Variants in LDB2 observed in about 807,000 individuals in gnomAD.
LDB2 encodes LIM domain-binding protein 2.
A neutral mutation model predicts 44.3 loss-of-function variants in LDB2; 12 were observed. The ratio of observed to expected loss-of-function variants is 0.27; its 90% CI spans 0.17 to 0.44. LDB2 has a LOEUF of 0.44. LDB2 is among the 20% of genes least tolerant of loss of function. The probability of loss-of-function intolerance (pLI) is 1.00; values close to 1 mark genes in which losing one functional copy is unlikely to be tolerated. For synonymous variants in LDB2, 164 were observed against 174.8 expected (o/e 0.94, Z 0.49); for missense variants, 344 against 473.5 (o/e 0.73, Z 2.54).
intron 5 of LDB2, among the ~76,000 whole-genome samples, chr4:16,583,253 G>A (rs1044616184): frequency 6.6e-6 from 1 of 152,178 alleles, no homozygotes; most frequent in Admixed American, 6.5e-5. Context: ...GTTAGACACT[G>A]CATATTGAAA....
intron 2 of LDB2, among the ~76,000 whole-genome samples, chr4:16,702,545 T>G (rs1445035532): frequency 6.6e-6 from 1 of 152,212 alleles, no homozygotes; most frequent in African/African-American, 2.4e-5. Flanking sequence ...TGAAAGAAGC[T>G]GCTTCTGTGT....
At chr4:16,658,126 A>G (rs565001713) in intron 2 of LDB2, among the ~76,000 whole-genome samples, 4 of 152,316 alleles carry the variant, frequency 2.6e-5, no homozygotes, top group African/African-American at 7.2e-5. Flanking sequence ...CTGGATTGGA[A>G]ACAGAAAGAC....
chr4:16,629,756 GC>G, intron 2 of LDB2, among the ~76,000 whole-genome samples: 1 of 152,158 alleles, frequency 6.6e-6, no homozygotes, highest in Middle Eastern at 3.4e-3. Context: ...ACCTGGTGGA[GC>G]TGAAAACCAC....
chr4:16,562,162 A>G (rs1238217166), intron 5 of LDB2, among the ~76,000 whole-genome samples: 1 of 152,212 alleles, frequency 6.6e-6, no homozygotes, highest in Non-Finnish European at 1.5e-5. Flanking sequence ...GGCATGGGCA[A>G]GGACTTCATG....
At chr4:16,719,215 C>G (rs909793408) in intron 2 of LDB2, among the ~76,000 whole-genome samples, 2 of 152,014 alleles carry the variant, frequency 1.3e-5, no homozygotes. Context: ...TCTTATGTGA[C>G]CACTTTGTTA....
chr4:16,665,645 A>T (rs1742912530), intron 2 of LDB2, among the ~76,000 whole-genome samples: 2 of 152,202 alleles, frequency 1.3e-5, no homozygotes. Flanking sequence ...CATGAGCAGA[A>T]AAGTTATGGC....
intron 1 of LDB2, among the ~76,000 whole-genome samples, chr4:16,832,630 A>C (rs569657343): frequency 6.6e-6 from 1 of 152,326 alleles, no homozygotes; most frequent in South Asian, 2.1e-4. Flanking sequence ...AAAATTGCAC[A>C]GCCCAAGTCT....
chr4:16,529,651 C>T (rs1321784170), intron 5 of LDB2, among the ~76,000 whole-genome samples: 1 of 152,216 alleles, frequency 6.6e-6, no homozygotes, highest in East Asian at 1.9e-4. Context: ...TCTTCCTTGT[C>T]TTCTTCCTCG....
At chr4:16,786,808 G>T (rs1335392719) in intron 1 of LDB2, among the ~76,000 whole-genome samples, 1 of 152,116 alleles carries the variant, frequency 6.6e-6, no homozygotes, top group Non-Finnish European at 1.5e-5. Context: ...CATATGCCTT[G>T]TCAGAAACCA....
intron 2 of LDB2, among the ~76,000 whole-genome samples, chr4:16,641,259 G>A (rs1439430150): frequency 1.3e-5 from 2 of 152,114 alleles, no homozygotes; most frequent in African/African-American, 4.8e-5. Context: ...ACATAAAGGA[G>A]CTTACCTTTT....
rs181068940 is a variant in LDB2 at position 16,554,029 on chromosome 4, C to T, written c.615+31893G>A. 1.4e-4 allele frequency among the ~76,000 whole-genome samples: 21 copies of T among 151,826 alleles called. No homozygotes were observed. The East Asian group carries it at 2.7e-3, about 20-fold the overall frequency. ...CTCTTCCCCCTGACATCCCATTGGA[C>T]GTATTCATTCAATGGCCTGAATTTT... On this transcript the variant is annotated intron_variant, in intron 5 of 7. Transcript: ENST00000304523.
At chr4:16,690,255 G>A (rs1750302874) in intron 2 of LDB2, among the ~76,000 whole-genome samples, 1 of 151,756 alleles carries the variant, frequency 6.6e-6, no homozygotes, top group South Asian at 2.1e-4. Flanking sequence ...TTTTTCAGGA[G>A]CTTAAGACTA....
chr4:16,845,653 A>T (rs181426878), intron 1 of LDB2, among the ~76,000 whole-genome samples: 1 of 152,330 alleles, frequency 6.6e-6, no homozygotes, highest in Non-Finnish European at 1.5e-5. Flanking sequence ...TACTAATCGC[A>T]TAGGACTTAT....
intron 1 of LDB2, among the ~76,000 whole-genome samples, chr4:16,765,301 C>T (rs1393046569): frequency 6.6e-6 from 1 of 152,208 alleles, no homozygotes; most frequent in African/African-American, 2.4e-5. Flanking sequence ...CAAGGGACCT[C>T]CAGCAGCTCA....
rs560881461 is a variant in LDB2, at chr4:16,579,822, C to T, written c.615+6100G>A. 2.6e-5 allele frequency among the ~76,000 whole-genome samples: 4 copies of T among 152,328 alleles called. No homozygotes were observed. The South Asian group carries it at 8.3e-4, about 32-fold the overall frequency. On this transcript the variant is annotated intron_variant, in intron 5 of 7. Transcript: ENST00000304523. ...AAACCATCCATCTGCCAAGCATACA[C>T]TCAAGAGATATCTACTGGGTACTTA...
At chr4:16,866,808 C>G (rs1378500229) in intron 1 of LDB2, among the ~76,000 whole-genome samples, 1 of 152,138 alleles carries the variant, frequency 6.6e-6, no homozygotes, top group Non-Finnish European at 1.5e-5. Flanking sequence ...AAATCTTGAA[C>G]CAAAAATGGG....
chr4:16,769,256 TC>T (rs1351072882), intron 1 of LDB2, among the ~76,000 whole-genome samples: 1 of 152,114 alleles, frequency 6.6e-6, no homozygotes, highest in South Asian at 2.1e-4. Context: ...ATTTTAAATC[TC>T]CCCTTTTTTA....
At chr4:16,614,126 C>A (rs1241292125) in intron 2 of LDB2, among the ~76,000 whole-genome samples, 1 of 152,090 alleles carries the variant, frequency 6.6e-6, no homozygotes, top group Non-Finnish European at 1.5e-5. Context: ...CATATACAAT[C>A]ATCTGATCTT....
chr4:16,673,149 T>C (rs984864351), intron 2 of LDB2, among the ~76,000 whole-genome samples: 1 of 152,172 alleles, frequency 6.6e-6, no homozygotes. Flanking sequence ...CTTTTTCTTT[T>C]CAGGGAAAGG....
Sources: gnomAD v4.1 joint callset for allele counts (sites outside exome capture counted in the v4.1 genomes callset) on GRCh38, gnomAD v4.1.1 for gene constraint, MANE v1.5 for transcripts, NCBI Gene and HGNC (gene_info 2026-07-23, HGNC 2026-07-21) for gene names.